Variants in NISCH observed in about 807,000 individuals in gnomAD.
NISCH encodes the protein nischarin, also known as I-1 receptor candidate protein.
NISCH carries 55 observed loss-of-function variants against 138.4 expected under a neutral mutation model. The ratio of observed to expected loss-of-function variants is 0.40; its 90% confidence interval spans 0.32 to 0.50. The LOEUF (loss-of-function observed/expected upper bound fraction) is 0.50. Among genes scored for constraint, NISCH ranks in the 20% least tolerant of loss-of-function variants. NISCH has a pLI of 0.71. For synonymous variants in NISCH, 860 were observed against 861.5 expected (o/e 1.00, Z 0.03); for missense variants, 1,643 against 2,005.5 (o/e 0.82, Z 3.45).
At chr3:52,485,019 C>A (rs1707370400) in intron 14 of NISCH, among the ~76,000 whole-genome samples, 1 of 152,126 alleles carries the variant, frequency 6.6e-6, no homozygotes, top group African/African-American at 2.4e-5. Context: ...GTTTGGGTTT[C>A]TTCTCTGTTT....
intron 8 of NISCH, among the ~76,000 whole-genome samples, chr3:52,477,277 G>A (rs1012513454): frequency 2.6e-5 from 4 of 152,166 alleles, no homozygotes; most frequent in Non-Finnish European, 5.9e-5. Context: ...AGGGAGTGTG[G>A]GCAGGGTTGA....
At chr3:52,474,873 C>T (rs1041902900) in intron 7 of NISCH, among the ~76,000 whole-genome samples, 3 of 152,198 alleles carry the variant, frequency 2.0e-5, no homozygotes, top group Admixed American at 6.5e-5. Flanking sequence ...TTTTTCCCCA[C>T]GGCTTGATTA....
In NISCH at chr3:52,476,429, A is replaced by G. The variant is rs373751455; in HGVS notation, c.766-18A>G. On this transcript the variant is annotated intron_variant, in intron 7 of 20. Transcript: ENST00000345716. The stretch of plus-strand genomic sequence containing the variant: ...TGAGGGCCCGAGTGTGGTGCTCCAC[A>G]CAGATGTTTTTATGCAGGAAGTCCT... 11 of 1,613,658 alleles carry G rather than the reference A, an allele frequency of 6.8e-6. No homozygotes were observed. The highest frequency in any genetic ancestry group is 8.5e-6 in the Non-Finnish European group (10 of 1,179,802).
In NISCH at chr3:52,488,343, G is replaced by T. The variant is rs761821694; in HGVS notation, c.2851G>T (p.Val951Leu). The T allele has an allele frequency of 1.9e-6, 3 of 1,613,316 alleles. No homozygotes were observed. The South Asian group carries it at 3.3e-5, about 18-fold the overall frequency. ...FKLSRVPLSTVLLDPTRSCTQ... is the reference protein window; with the variant it reads ...FKLSRVPLSTLLLDPTRSCTQ... ...GCTCAGCCGTGTGCCGCTCTCCACC[G>T]TGCTGCTGGACCCCACACGCAGCTG... The change falls in exon 16 of 21, where the codon GTG (valine) becomes TTG (leucine). Residue 951 changes from valine to leucine, a missense_variant. Transcript: ENST00000345716.
Position 52,479,265 on chromosome 3 carries a change from C to G in NISCH, c.1303-484C>G, listed in dbSNP as rs1372156791. On this transcript the variant is annotated intron_variant, in intron 11 of 20. Transcript: ENST00000345716. The stretch of plus-strand genomic sequence containing the variant: ...CATTCAACCACCCTACCCAACCCCC[C>G]ACTGCCTGCCAGCCACCACTCCCTC... Among the ~76,000 whole-genome samples, 5 of 152,184 alleles carry G rather than the reference C, an allele frequency of 3.3e-5. No homozygotes were observed. The South Asian group carries it at 8.3e-4, about 25-fold the overall frequency.
chr3:52,481,293 G>C (rs1707263725), intron 13 of NISCH: 4 of 1,032,690 alleles, frequency 3.9e-6, no homozygotes, highest in Admixed American at 5.7e-5. Flanking sequence ...GCAGGAAGAG[G>C]GGAGAAGCAT....
Position 52,492,573 on chromosome 3 carries a change from C to T in NISCH, c.*91C>T, listed in dbSNP as rs778675368. The T allele has an allele frequency of 1.5e-5, 21 of 1,375,248 alleles. No individual in the cohort carries two copies. Among genetic ancestry groups the T allele is most frequent in the Non-Finnish European group, 1.8e-5 (19 of 1,039,654 alleles). The allele number at this position is 1,375,248 out of a possible 1,614,324, so 85.2% of individuals were successfully genotyped here. ...TGTTCTCTAAAAATGTTTTATCCTC[C>T]CTTTGGTACCTTAATTTGACTGTCC... is the stretch of plus-strand genomic sequence containing the variant. On this transcript the variant is annotated 3_prime_UTR_variant, in exon 21 of 21. Coordinates refer to ENST00000345716, the MANE Select transcript of NISCH (RefSeq NM_007184.4).
Position 52,485,761 on chromosome 3 carries a change from GT to G in NISCH, c.1654-14del. 6.4e-7 allele frequency: 1 copy of G among 1,571,832 alleles called. No homozygotes were observed. Among genetic ancestry groups the G allele is most frequent in the Non-Finnish European group, 8.6e-7 (1 of 1,157,172 alleles). On this transcript the variant is annotated splice_polypyrimidine_tract_variant and intron_variant, in intron 14 of 20. Transcript: ENST00000345716. Reference sequence around the variant, plus strand: ...GCTGCAGTAGGTGGGGACTGACTGTGTTTCTTTCTCCATCAGGCAGCTTCCG... The same window carrying G: ...GCTGCAGTAGGTGGGGACTGACTGTGTTCTTTCTCCATCAGGCAGCTTCCG...
At chr3:52,475,177 G>A (rs1236094371) in intron 7 of NISCH, among the ~76,000 whole-genome samples, 1 of 150,808 alleles carries the variant, frequency 6.6e-6, no homozygotes, top group Non-Finnish European at 1.5e-5. Flanking sequence ...GGCAACATAG[G>A]GAGACCTTGT....
At chr3:52,473,665 C>A in intron 6 of NISCH, 69 bp from the exon 7 acceptor site, 1 of 1,122,674 alleles carries the variant, frequency 8.9e-7, no homozygotes, top group Non-Finnish European at 1.3e-6. Flanking sequence ...GGGTAGGAAA[C>A]ACCTGCATCT....
In NISCH at chr3:52,473,882, G is replaced by A. The variant is rs1440163250; in HGVS notation, c.765+53G>A. ...GCAATGTCTGTGGATCAGGGTCCTG[G>A]GCTGTGGTCTCCACCACTAAGGATG... On this transcript the variant is annotated intron_variant, in intron 7 of 20. Coordinates refer to ENST00000345716, the MANE Select transcript of NISCH (RefSeq NM_007184.4). 1.5e-5 allele frequency: 19 copies of A among 1,255,520 alleles called. No individual in the cohort carries two copies. The East Asian group carries it at 4.7e-4, about 31-fold the overall frequency. 77.8% of individuals were successfully genotyped at this position (1,255,520 alleles called of 1,614,324 possible).
chr3:52,473,760 C>A lies in NISCH; in HGVS notation c.696C>A (p.Ile232=). Residue 232 remains isoleucine (I), a synonymous_variant, in exon 7 of 21, where the codon ATC becomes ATA. Coordinates refer to ENST00000345716, the MANE Select transcript of NISCH (RefSeq NM_007184.4). ...VEISHCDAKH[I]RGLVASKPTL... is the part of the protein sequence containing the mutation. ...TAAGTCACTGTGATGCTAAGCACAT[C>A]AGAGGGCTGGTCGCATCGAAGCCCA... is the stretch of plus-strand genomic sequence containing the variant. 1 of 1,607,834 alleles carries A rather than the reference C, an allele frequency of 6.2e-7. No individual in the cohort carries two copies.
chr3:52,488,485 A>G lies in NISCH; in HGVS notation c.2993A>G (p.Tyr998Cys). 6.2e-7 allele frequency: 1 copy of G among 1,613,394 alleles called. No individual in the cohort carries two copies. Among genetic ancestry groups the G allele is most frequent in the Non-Finnish European group, 8.5e-7 (1 of 1,179,980 alleles). Residue 998 changes from tyrosine (Y) to cysteine (C), a missense_variant, in exon 16 of 21, where the codon TAC becomes TGC. Transcript: ENST00000345716. Reference protein sequence around the residue: ...PHEKFHFLRVYNQLRASLQDL... With the variant: ...PHEKFHFLRVCNQLRASLQDL... Reference sequence around the variant, plus strand: ...GAGAAGTTCCACTTCCTGCGCGTCTACAACCAGCTGCGGGCCTCGCTGCAG... The same window carrying G: ...GAGAAGTTCCACTTCCTGCGCGTCTGCAACCAGCTGCGGGCCTCGCTGCAG...
chr3:52,474,066 C>G (rs2153231199), intron 7 of NISCH, among the ~76,000 whole-genome samples: 1 of 152,316 alleles, frequency 6.6e-6, no homozygotes, highest in East Asian at 1.9e-4. Context: ...TTTTAAGGAA[C>G]TTGGCTTCTT....
In NISCH at chr3:52,489,246, GCA is replaced by G. The variant is rs1257863291; in HGVS notation, c.3114-85_3114-84del. On this transcript the variant is annotated intron_variant, in intron 16 of 20. Coordinates refer to ENST00000345716, the MANE Select transcript of NISCH (RefSeq NM_007184.4). ...CAGTAACCCAGAGGTGATGTGTGAT[GCA>G]CACAGTCTCCTCACTCTGAAGCTGC... 6.9e-6 allele frequency: 10 copies of G among 1,445,004 alleles called. 1 individual carries two copies. The highest frequency in any genetic ancestry group is 1.8e-4 in the Middle Eastern group (1 of 5,544). 89.5% of individuals were successfully genotyped at this position (1,445,004 alleles called of 1,614,324 possible). A position where few individuals can be genotyped will look rare whatever the true frequency, so the allele number is the denominator to read the frequency against.
chr3:52,475,279 G>A (rs745454655), intron 7 of NISCH, among the ~76,000 whole-genome samples: 1 of 152,056 alleles, frequency 6.6e-6, no homozygotes, highest in Non-Finnish European at 1.5e-5. Flanking sequence ...GTCCCTCTCC[G>A]AGCACTTCTC....
At chr3:52,491,234 G>A in intron 19 of NISCH, 118 bp from the exon 20 acceptor site, 4 of 1,427,532 alleles carry the variant, frequency 2.8e-6, no homozygotes, top group Non-Finnish European at 2.8e-6. Context: ...TCCTGTGTGG[G>A]CCCTCCTGGC....
chr3:52,473,199 G>A (rs555598360), intron 6 of NISCH, among the ~76,000 whole-genome samples: 8 of 152,212 alleles, frequency 5.3e-5, no homozygotes, highest in African/African-American at 1.2e-4. Flanking sequence ...CCCTGCTGCC[G>A]ATTGAGGACA....
intron 12 of NISCH, 63 bp downstream of exon 12, chr3:52,479,925 G>T: frequency 7.7e-7 from 1 of 1,291,134 alleles, no homozygotes; most frequent in East Asian, 2.4e-5. Flanking sequence ...GAGCCAGTTT[G>T]GGGGGCTTGG....
Sources: gnomAD v4.1 joint callset for allele counts (sites outside exome capture counted in the v4.1 genomes callset) on GRCh38, gnomAD v4.1.1 for gene constraint, MANE v1.5 for transcripts, NCBI Gene and HGNC (gene_info 2026-07-23, HGNC 2026-07-21) for gene names.